SIL1: variants seen among roughly 807,000 people sequenced by gnomAD.
The protein encoded by SIL1 is SIL1 nucleotide exchange factor.
A neutral mutation model predicts 49.1 loss-of-function variants in SIL1; 40 were observed. That is an observed-to-expected ratio of 0.81 (90% CI 0.63 to 1.06). The LOEUF (loss-of-function observed/expected upper bound fraction) is 1.06. Ranked by LOEUF, SIL1 falls within the 50% of genes least tolerant of loss-of-function variation. The pLI, the probability that SIL1 is intolerant of heterozygous loss-of-function variation, is 0.00. For synonymous variants in SIL1, 253 were observed against 250.8 expected (o/e 1.01, Z -0.08); for missense variants, 500 against 572.6 (o/e 0.87, Z 1.29).
intron 2 of SIL1, among the ~76,000 whole-genome samples, chr5:139,125,751 C>T (rs546166199): frequency 7.9e-5 from 12 of 152,242 alleles, no homozygotes; most frequent in East Asian, 3.9e-4. Flanking sequence ...AGGGATCTTA[C>T]GAAGGGCCTG....
At chr5:139,131,352 A>G (rs1750859394) in intron 1 of SIL1, among the ~76,000 whole-genome samples, 1 of 152,092 alleles carries the variant, frequency 6.6e-6, no homozygotes, top group Non-Finnish European at 1.5e-5. Context: ...GACCTGTGGC[A>G]TGATTGCAGT....
chr5:139,111,322 A>G (rs535426092), intron 3 of SIL1, among the ~76,000 whole-genome samples: 2 of 152,298 alleles, frequency 1.3e-5, no homozygotes, highest in Admixed American at 1.3e-4. Context: ...TCTCAGTCTC[A>G]TCACATTTAT....
intron 7 of SIL1, chr5:139,013,472 AG>A (rs1431530933): frequency 6.6e-6 from 1 of 152,216 alleles, no homozygotes; most frequent in Non-Finnish European, 1.5e-5. Context: ...CACAGTCACT[AG>A]GGAATAGCAA....
chr5:139,081,894 A>C (rs1770089194), intron 3 of SIL1, among the ~76,000 whole-genome samples: 1 of 152,072 alleles, frequency 6.6e-6, no homozygotes, highest in Non-Finnish European at 1.5e-5. Flanking sequence ...AAAAAAACAA[A>C]AAAAACAAAA....
chr5:139,173,127 T>C (rs1168940976), intron 1 of SIL1, among the ~76,000 whole-genome samples: 8 of 152,228 alleles, frequency 5.3e-5, no homozygotes, highest in Admixed American at 3.9e-4. Flanking sequence ...AATGGAGCTG[T>C]TGAAGAAGCC....
chr5:139,121,637 A>G (rs1259405786), intron 2 of SIL1, among the ~76,000 whole-genome samples: 1 of 152,352 alleles, frequency 6.6e-6, no homozygotes, highest in East Asian at 1.9e-4. Context: ...AATGGCCACT[A>G]CAGATGTACA....
chr5:139,010,053 A>C (rs1246120013), intron 7 of SIL1, among the ~76,000 whole-genome samples: 6 of 147,344 alleles, frequency 4.1e-5, no homozygotes, highest in South Asian at 4.4e-4. Context: ...TATCCTGCAG[A>C]GTGTTTTCCA....
intron 3 of SIL1, among the ~76,000 whole-genome samples, chr5:139,116,262 T>C (rs1046468246): frequency 2.0e-5 from 3 of 152,282 alleles, no homozygotes; most frequent in East Asian, 1.9e-4. Flanking sequence ...TGGTGCTCTA[T>C]AATTCTTGGA....
intron 5 of SIL1, among the ~76,000 whole-genome samples, chr5:139,042,368 A>C (rs541317470): frequency 6.6e-6 from 1 of 152,300 alleles, no homozygotes; most frequent in South Asian, 2.1e-4. Flanking sequence ...AATTTCTCCA[A>C]ACATGGGGAG....
chr5:139,078,866 G>A (rs1770009109), intron 3 of SIL1, among the ~76,000 whole-genome samples: 2 of 152,212 alleles, frequency 1.3e-5, no homozygotes, highest in Non-Finnish European at 2.9e-5. Context: ...AATGAAGCTA[G>A]ACCAGTATTG....
intron 7 of SIL1, among the ~76,000 whole-genome samples, chr5:138,966,880 T>A (rs1019598416): frequency 7.9e-5 from 12 of 152,228 alleles, no homozygotes; most frequent in African/African-American, 2.9e-4. Flanking sequence ...AAAACTGGAT[T>A]CCACTGGGGA....
chr5:139,173,496 G>A (rs1290525431), intron 1 of SIL1, among the ~76,000 whole-genome samples: 1 of 152,060 alleles, frequency 6.6e-6, no homozygotes, highest in African/African-American at 2.4e-5. Flanking sequence ...ATTTCAGTGA[G>A]CCAAGATCAT....
chr5:139,042,034 T>C (rs1769059141), intron 5 of SIL1, among the ~76,000 whole-genome samples: 2 of 152,176 alleles, frequency 1.3e-5, no homozygotes, highest in East Asian at 1.9e-4. Context: ...GCCAAGGGGC[T>C]GTAATTCTTC....
intron 7 of SIL1, among the ~76,000 whole-genome samples, chr5:139,003,842 T>G (rs115650148): frequency 0.012 from 1,835 of 152,266 alleles, 33 homozygotes; most frequent in African/African-American, 0.041. Flanking sequence ...TGAATTATAC[T>G]CTTTCTAATA....
chr5:139,141,482 C>T (rs78706875), intron 1 of SIL1, among the ~76,000 whole-genome samples: 2 of 88,370 alleles, frequency 2.3e-5, no homozygotes, highest in Admixed American at 1.2e-4. Flanking sequence ...TCTGTCTCTA[C>T]AAAAAAAAAA....
intron 1 of SIL1, among the ~76,000 whole-genome samples, chr5:139,139,682 C>T (rs1021044636): frequency 4.6e-5 from 7 of 152,198 alleles, no homozygotes; most frequent in African/African-American, 1.4e-4. Context: ...TAGTCTCAGA[C>T]AGCATAATTA....
At chr5:139,041,860 G>A (rs915534968) in intron 5 of SIL1, among the ~76,000 whole-genome samples, 1 of 151,022 alleles carries the variant, frequency 6.6e-6, no homozygotes, top group South Asian at 2.1e-4. Flanking sequence ...GGGACTGTAA[G>A]GAGAAGAGGG....
At chr5:139,038,132 T>A (rs1354080250) in intron 5 of SIL1, among the ~76,000 whole-genome samples, 1 of 152,170 alleles carries the variant, frequency 6.6e-6, no homozygotes, top group Non-Finnish European at 1.5e-5. Context: ...AGGTCCCACC[T>A]CCAAACATCA....
intron 1 of SIL1, among the ~76,000 whole-genome samples, chr5:139,166,079 G>A (rs534315364): frequency 6.6e-6 from 1 of 152,240 alleles, no homozygotes; most frequent in East Asian, 1.9e-4. Flanking sequence ...GCTATGTCAT[G>A]GGCCATGGTC....
Sources: allele counts gnomAD v4.1 joint callset (sites outside exome capture counted in the v4.1 genomes callset), GRCh38; gene constraint gnomAD v4.1.1; transcripts MANE v1.5; gene names NCBI Gene and HGNC (gene_info 2026-07-23, HGNC 2026-07-21).